Variants in AGAP1 observed in about 807,000 individuals in gnomAD.
AGAP1 encodes arf-GAP with GTPase, ANK repeat and PH domain-containing protein 1.
A neutral mutation model predicts 105.3 loss-of-function variants in AGAP1; 29 were observed. That is an observed-to-expected ratio of 0.28 (90% CI 0.21 to 0.38). The LOEUF (loss-of-function observed/expected upper bound fraction) is 0.38. Ranked by LOEUF, AGAP1 falls within the 10% of genes least tolerant of loss-of-function variation. The pLI, the probability that AGAP1 is intolerant of heterozygous loss-of-function variation, is 1.00. For missense variants in AGAP1, 998 were observed against 1,165.1 expected (o/e 0.86, Z 2.09); for synonymous variants, 509 against 485.9 (o/e 1.05, Z -0.63).
chr2:235,617,245 A>G (rs995213005), intron 1 of AGAP1, among the ~76,000 whole-genome samples: 6 of 152,352 alleles, frequency 3.9e-5, no homozygotes, highest in Non-Finnish European at 7.3e-5. Flanking sequence ...TAAAATGTCC[A>G]GAGAATTAGA....
At position 235,569,938 on chromosome 2, in the gene AGAP1, A is replaced by G. The variant is rs1944463359; in HGVS notation, c.163+75089A>G. On this transcript the variant is annotated intron_variant, in intron 1 of 17. Coordinates refer to ENST00000304032, the MANE Select transcript of AGAP1 (RefSeq NM_001037131.3). This position sits in a 1 kb window ranked among gnomAD's most constrained non-coding sequence, Gnocchi z 5.9. ...TTATAGAATTGAACACGAAAACCAG[A>G]GTTGTATATCTAAGGAAAACATGGT... Among the ~76,000 whole-genome samples the G allele has an allele frequency of 6.6e-6, 1 of 152,204 alleles. No individual in the cohort carries two copies. Among genetic ancestry groups the G allele is most frequent in the Admixed American group, 6.5e-5 (1 of 15,282 alleles).
chr2:235,673,620 C>G (rs1948560724), intron 1 of AGAP1, among the ~76,000 whole-genome samples: 1 of 152,166 alleles, frequency 6.6e-6, no homozygotes, highest in Non-Finnish European at 1.5e-5. Context: ...AAGTAATTTG[C>G]CAGCCATTTA....
At chr2:235,630,362 C>T (rs569186888) in intron 1 of AGAP1, among the ~76,000 whole-genome samples, 1 of 152,222 alleles carries the variant, frequency 6.6e-6, no homozygotes, top group African/African-American at 2.4e-5. Context: ...AGGTGTGCAC[C>T]ACCAAGCCCA....
At chr2:235,726,160 A>G (rs756193554) in intron 3 of AGAP1, among the ~76,000 whole-genome samples, 39 of 152,312 alleles carry the variant, frequency 2.6e-4, no homozygotes, top group Non-Finnish European at 3.5e-4. Flanking sequence ...TACCTTTCTG[A>G]ATAAGTAACT....
At chr2:235,878,442 C>G (rs1438741200) in intron 9 of AGAP1, among the ~76,000 whole-genome samples, 1 of 152,058 alleles carries the variant, frequency 6.6e-6, no homozygotes, top group African/African-American at 2.4e-5. Context: ...AGCATGTTGG[C>G]CCAGTCACGT....
chr2:235,862,409 G>A (rs13416155), intron 9 of AGAP1, among the ~76,000 whole-genome samples: 40,202 of 152,106 alleles, frequency 0.26, 5,704 homozygotes, highest in East Asian at 0.39. Context: ...GTAATGAAAC[G>A]TGCACATGGA....
Position 236,038,653 on chromosome 2 carries a change from G to A in AGAP1, c.1800+1938G>A, listed in dbSNP as rs538480772. ...GGAAATACTGTCCACAAGGAGTAGC[G>A]GGAGGCAAAAATACAGGCCCAGTTG... is the stretch of plus-strand genomic sequence containing the variant. On this transcript the variant is annotated intron_variant, in intron 14 of 17. Coordinates refer to ENST00000304032, the MANE Select transcript of AGAP1 (RefSeq NM_001037131.3). The surrounding 1 kb of genome is among the most constrained non-coding windows in gnomAD (Gnocchi z 4.5). Among the ~76,000 whole-genome samples the A allele has an allele frequency of 3.3e-5, 5 of 152,276 alleles. No homozygotes were observed. Among genetic ancestry groups the A allele is most frequent in the South Asian group, 4.1e-4 (2 of 4,822 alleles).
rs2125697600 is a variant in AGAP1 at position 236,045,636 on chromosome 2, G to A, written c.1892-3423G>A. On this transcript the variant is annotated intron_variant, in intron 15 of 17. Coordinates refer to ENST00000304032, the MANE Select transcript of AGAP1 (RefSeq NM_001037131.3). This position sits in a 1 kb window ranked among gnomAD's most constrained non-coding sequence, Gnocchi z 6.9. The stretch of plus-strand genomic sequence containing the variant: ...GGACCAGCGGGGCCTGAAGCCAGGT[G>A]GAGGGGCAGGAGACAGTGCAGAGGT... Among the ~76,000 whole-genome samples, 1 of 152,390 alleles carries A rather than the reference G, an allele frequency of 6.6e-6. No homozygotes were observed. The highest frequency in any genetic ancestry group is 2.4e-5 in the African/African-American group (1 of 41,598).
rs1307396252 is a variant in AGAP1, at chr2:235,600,430, A to G, written c.163+105581A>G. Among the ~76,000 whole-genome samples, 1 of 152,106 alleles carries G rather than the reference A, an allele frequency of 6.6e-6. No homozygotes were observed. The highest frequency in any genetic ancestry group is 1.5e-5 in the Non-Finnish European group (1 of 68,016). On this transcript the variant is annotated intron_variant, in intron 1 of 17. Transcript: ENST00000304032. The surrounding 1 kb of genome is among the most constrained non-coding windows in gnomAD (Gnocchi z 4.8). Reference sequence around the variant, plus strand: ...GCCCTATAGACCCCCATACTCCTGTAGATACCCCCTCATTACAGACCCCCA... The same window carrying G: ...GCCCTATAGACCCCCATACTCCTGTGGATACCCCCTCATTACAGACCCCCA...
intron 1 of AGAP1, among the ~76,000 whole-genome samples, chr2:235,680,763 C>T (rs922880784): frequency 2.6e-5 from 4 of 152,130 alleles, no homozygotes; most frequent in African/African-American, 9.7e-5. Context: ...TCCTCATTTT[C>T]AGGCCTCACC....
At chr2:235,537,915 G>A (rs1205275672) in intron 1 of AGAP1, among the ~76,000 whole-genome samples, 2 of 152,142 alleles carry the variant, frequency 1.3e-5, no homozygotes, top group African/African-American at 2.4e-5. Context: ...TATCTGGCAT[G>A]CTTTCCCCTG....
rs117069521 is a variant in AGAP1, at chr2:236,045,021, C to G, written c.1892-4038C>G. Among the ~76,000 whole-genome samples the G allele has an allele frequency of 8.4e-3, 1,275 of 152,208 alleles. 31 individuals carry two copies. Among genetic ancestry groups the G allele is most frequent in the East Asian group, 0.068 (348 of 5,150 alleles). ...CCTTGAACTCTTAGGCTCCAGCAAT[C>G]CTCCCACCTCAGACTCCTGAGCAGC... is the stretch of plus-strand genomic sequence containing the variant. On this transcript the variant is annotated intron_variant, in intron 15 of 17. Coordinates refer to ENST00000304032, the MANE Select transcript of AGAP1 (RefSeq NM_001037131.3). This position sits in a 1 kb window ranked among gnomAD's most constrained non-coding sequence, Gnocchi z 6.9.
chr2:236,024,092 G>T (rs1448930410), intron 13 of AGAP1, among the ~76,000 whole-genome samples: 1 of 145,898 alleles, frequency 6.9e-6, no homozygotes, highest in African/African-American at 2.5e-5. Flanking sequence ...GTGCAGTGGT[G>T]TGATCTTGGC....
rs1419604689 is a variant in AGAP1, at chr2:235,586,120, GA to G, written c.163+91276del. Among the ~76,000 whole-genome samples, 1 of 152,078 alleles carries G rather than the reference GA, an allele frequency of 6.6e-6. No individual in the cohort carries two copies. The highest frequency in any genetic ancestry group is 1.5e-5 in the Non-Finnish European group (1 of 68,028). On this transcript the variant is annotated intron_variant, in intron 1 of 17. Coordinates refer to ENST00000304032, the MANE Select transcript of AGAP1 (RefSeq NM_001037131.3). The surrounding 1 kb of genome is among the most constrained non-coding windows in gnomAD (Gnocchi z 4.2). ...AAGTGGCTGAAAAAAATGCCTCCTG[GA>G]AAAAGCAGTAAATGTAAGGATTTAG...
chr2:235,584,132 C>G (rs1406275856), intron 1 of AGAP1, among the ~76,000 whole-genome samples: 4 of 151,172 alleles, frequency 2.6e-5, no homozygotes, highest in Non-Finnish European at 5.9e-5. Flanking sequence ...CAGAGCATGA[C>G]ATCAGGCTGT....
intron 13 of AGAP1, among the ~76,000 whole-genome samples, chr2:235,999,307 GA>G (rs2055976616): frequency 2.7e-5 from 2 of 74,910 alleles, no homozygotes; most frequent in Non-Finnish European, 6.7e-5. Context: ...TGGTGATGGT[GA>G]TGGTGGTGGT....
rs2050397182 is a variant in AGAP1 at position 235,888,954 on chromosome 2, G to T, written c.1155+5505G>T. Reference sequence around the variant, plus strand: ...ACCTTGCCAAAAACTCTGGGTGAGGGTTTTTCAATGTCTTCATTAGATGCC... The same window carrying T: ...ACCTTGCCAAAAACTCTGGGTGAGGTTTTTTCAATGTCTTCATTAGATGCC... On this transcript the variant is annotated intron_variant, in intron 10 of 17. Transcript: ENST00000304032. The surrounding 1 kb of genome is among the most constrained non-coding windows in gnomAD (Gnocchi z 4.8). Among the ~76,000 whole-genome samples the T allele has an allele frequency of 1.3e-5, 2 of 152,156 alleles. No individual in the cohort carries two copies. Among genetic ancestry groups the T allele is most frequent in the Non-Finnish European group, 2.9e-5 (2 of 68,030 alleles).
At position 236,046,082 on chromosome 2, in the gene AGAP1, C is replaced by T; in HGVS notation, c.1892-2977C>T. 1 of 464,266 alleles carries T rather than the reference C, an allele frequency of 2.2e-6. No individual in the cohort carries two copies. Among genetic ancestry groups the T allele is most frequent in the South Asian group, 1.6e-5 (1 of 64,212 alleles). 28.8% of individuals were successfully genotyped at this position (464,266 alleles called of 1,614,324 possible). ...AACGAGGGGCCAGCATGAGTGGCTT[C>T]TGTATCTGCAACCCACAGCGGCATG... On this transcript the variant is annotated intron_variant, in intron 15 of 17. Coordinates refer to ENST00000304032, the MANE Select transcript of AGAP1 (RefSeq NM_001037131.3). This position sits in a 1 kb window ranked among gnomAD's most constrained non-coding sequence, Gnocchi z 5.2.
chr2:236,120,196 G>A lies in AGAP1; in HGVS notation c.2119G>A (p.Glu707Lys). Reference protein sequence around the residue: ...TKPSVDSTREEKERWIRAKYE... With the variant: ...TKPSVDSTREKKERWIRAKYE... ...CTGTCTGGTGGCTCTTTGCAGGGAA[G>A]AGAAGGAACGGTGGATCCGTGCCAA... Residue 707 changes from glutamate (E) to lysine (K), a missense_variant, in exon 17 of 18, where the codon GAG (glutamate) becomes AAG (lysine). Transcript: ENST00000304032. The surrounding 1 kb of genome is among the most constrained non-coding windows in gnomAD (Gnocchi z 6.0). 1 of 1,609,790 alleles carries A rather than the reference G, an allele frequency of 6.2e-7. No individual in the cohort carries two copies. Among genetic ancestry groups the A allele is most frequent in the African/African-American group, 1.3e-5 (1 of 75,010 alleles).
Sources: gnomAD v4.1 joint callset for allele counts (sites outside exome capture counted in the v4.1 genomes callset) on GRCh38, gnomAD v4.1.1 for gene constraint, Gnocchi (gnomAD v3.1) non-coding constraint, MANE v1.5 for transcripts, NCBI Gene and HGNC (gene_info 2026-07-23, HGNC 2026-07-21) for gene names.